The following MTBP variants were observed in gnomAD, a reference collection of about 807,000 sequenced individuals.
MTBP encodes mdm2-binding protein.
In MTBP, 101 loss-of-function variants were observed where a neutral mutation model predicts 117.0. The ratio of observed to expected loss-of-function variants is 0.86; its 90% CI spans 0.73 to 1.02. The LOEUF (loss-of-function observed/expected upper bound fraction) is 1.02, where lower values mean the gene tolerates loss of function less well. MTBP is among the 50% of genes least tolerant of loss of function. The pLI is 0.00. For missense variants in MTBP, 970 were observed against 1,030.9 expected, an observed-to-expected ratio of 0.94 and a Z score of 0.81; for synonymous variants, 350 against 351.5, an observed-to-expected ratio of 1.00 and a Z score of 0.05.
chr8:120,493,522 GCT>G (rs1389003079), intron 13 of MTBP, among the ~76,000 whole-genome samples: 2 of 150,998 alleles, frequency 1.3e-5, no homozygotes, highest in African/African-American at 4.9e-5. Context: ...ACAGAATTTT[GCT>G]CTGTCACCCA....
chr8:120,446,675 C>G (rs1053741115), intron 2 of MTBP, among the ~76,000 whole-genome samples, 162 bp downstream of exon 2: 1 of 152,094 alleles, frequency 6.6e-6, no homozygotes, highest in African/African-American at 2.4e-5. Context: ...AAATAAATTA[C>G]CCCTTTCTTC....
chr8:120,517,710 T>C (rs1042325757), intron 18 of MTBP, 141 bp from the exon 19 acceptor site: 2 of 695,246 alleles, frequency 2.9e-6, no homozygotes, highest in East Asian at 5.5e-5. Context: ...TATAATATAG[T>C]GGTAACACAC....
In MTBP at chr8:120,523,472, T is replaced by C; in HGVS notation, c.*136T>C. 1 of 467,244 alleles carries C rather than the reference T, an allele frequency of 2.1e-6. No individual in the cohort carries two copies. Among genetic ancestry groups the C allele is most frequent in the Non-Finnish European group, 3.8e-6 (1 of 264,760 alleles). The allele number at this position is 467,244 out of a possible 1,614,324, so 28.9% of individuals were successfully genotyped here. A position where few individuals can be genotyped will look rare whatever the true frequency, so the allele number is the denominator to read the frequency against. On this transcript the variant is annotated 3_prime_UTR_variant, in exon 22 of 22. Coordinates refer to ENST00000305949, the MANE Select transcript of MTBP (RefSeq NM_022045.5). The stretch of plus-strand genomic sequence containing the variant: ...GATGTTATATTTCTAAAGAATTTCA[T>C]GAATATATATTCTATATTTGTATAG...
At chr8:120,486,848 C>T (rs1057485567) in intron 11 of MTBP, among the ~76,000 whole-genome samples, 5 of 152,168 alleles carry the variant, frequency 3.3e-5, no homozygotes, top group Admixed American at 6.5e-5. Context: ...ATCTGTCCAA[C>T]GTGCTTCTTC....
intron 7 of MTBP, among the ~76,000 whole-genome samples, chr8:120,457,269 T>C (rs2130520940): frequency 6.6e-6 from 1 of 152,328 alleles, no homozygotes; most frequent in Non-Finnish European, 1.5e-5. Context: ...CGTCTCTTAC[T>C]ATGAAAGAAT....
intron 2 of MTBP, among the ~76,000 whole-genome samples, chr8:120,449,869 T>C (rs1208455401): frequency 6.6e-6 from 1 of 152,146 alleles, no homozygotes; most frequent in Non-Finnish European, 1.5e-5. Context: ...TGAGTGTTCT[T>C]TCAGTGGCAT....
Position 120,457,212 on chromosome 8 carries a change from G to A in MTBP, c.747+542G>A, listed in dbSNP as rs188750228. On this transcript the variant is annotated intron_variant, in intron 7 of 21. Coordinates refer to ENST00000305949, the MANE Select transcript of MTBP (RefSeq NM_022045.5). ...ATAAGATGAGAATGTTGTATTAGGT[G>A]GACTCTTCTAATCCTGAATTTCTAT... Among the ~76,000 whole-genome samples the A allele has an allele frequency of 7.2e-5, 11 of 152,076 alleles. 1 individual carries two copies. Among genetic ancestry groups the A allele is most frequent in the African/African-American group, 2.4e-4 (10 of 41,498 alleles).
At chr8:120,479,895 T>A (rs559978604) in intron 11 of MTBP, among the ~76,000 whole-genome samples, 11 of 152,264 alleles carry the variant, frequency 7.2e-5, no homozygotes, top group African/African-American at 1.4e-4. Context: ...CAAGAATCAA[T>A]AATTTAACCA....
In MTBP at chr8:120,517,846, T is replaced by A. The variant is rs1814946580; in HGVS notation, c.2247-5T>A. The A allele has an allele frequency of 1.9e-6, 3 of 1,609,406 alleles. No individual in the cohort carries two copies. The East Asian group carries it at 6.7e-5, about 36-fold the overall frequency. ...CGTTCTTGATTTTTTTCCCCTGCTATATAGACTTGTGAAATCTGAAAGTTC... is the reference window on the plus strand; with the variant it reads ...CGTTCTTGATTTTTTTCCCCTGCTAAATAGACTTGTGAAATCTGAAAGTTC... On this transcript the variant is annotated splice_polypyrimidine_tract_variant and splice_region_variant and intron_variant, in intron 18 of 21. Coordinates refer to ENST00000305949, the MANE Select transcript of MTBP (RefSeq NM_022045.5).
At chr8:120,523,275 A>G (rs753535842) in intron 21 of MTBP, 23 bp from the exon 22 acceptor site, 3 of 1,486,166 alleles carry the variant, frequency 2.0e-6, no homozygotes, top group Non-Finnish European at 2.8e-6. Context: ...AATCTTCTGT[A>G]ATCATATTTT....
intron 6 of MTBP, among the ~76,000 whole-genome samples, chr8:120,456,243 G>A (rs1813465519): frequency 6.6e-6 from 1 of 152,110 alleles, no homozygotes; most frequent in Non-Finnish European, 1.5e-5. Flanking sequence ...TTGAAGATAA[G>A]GAAGTGACAT....
intron 15 of MTBP, among the ~76,000 whole-genome samples, chr8:120,503,275 C>T (rs564127397): frequency 6.6e-6 from 1 of 152,254 alleles, no homozygotes; most frequent in Admixed American, 6.5e-5. Context: ...ATGTGTCAGG[C>T]GCTGGGAATA....
At chr8:120,518,863 A>G in intron 20 of MTBP, 46 bp downstream of exon 20, 1 of 1,311,292 alleles carries the variant, frequency 7.6e-7, no homozygotes, top group Non-Finnish European at 1.1e-6. Context: ...TCATGTTCTA[A>G]TGTTCCTGTT....
rs772757256 is a variant in MTBP at position 120,490,579 on chromosome 8, C to T, written c.1447+9C>T. On this transcript the variant is annotated intron_variant, in intron 13 of 21. Coordinates refer to ENST00000305949, the MANE Select transcript of MTBP (RefSeq NM_022045.5). ...TTTGGAAGAATGCCTAAGTAAGTAA[C>T]AATTTGTGTATTTTATCCTACCCTA... 1 of 1,543,438 alleles carries T rather than the reference C, an allele frequency of 6.5e-7. No homozygotes were observed. Among genetic ancestry groups the T allele is most frequent in the Non-Finnish European group, 8.9e-7 (1 of 1,128,820 alleles).
At chr8:120,459,104 A>T (rs907240891) in intron 7 of MTBP, 111 bp from the exon 8 acceptor site, 1 of 941,956 alleles carries the variant, frequency 1.1e-6, no homozygotes, top group African/African-American at 1.7e-5. Context: ...AGGAATCAAA[A>T]ATAAATTTAT....
chr8:120,500,403 T>A (rs1814558867), intron 14 of MTBP, among the ~76,000 whole-genome samples: 1 of 152,356 alleles, frequency 6.6e-6, no homozygotes, highest in Non-Finnish European at 1.5e-5. Flanking sequence ...TTGTATATTA[T>A]ATTGTAATAT....
intron 10 of MTBP, 109 bp from the exon 11 acceptor site, chr8:120,470,711 A>G (rs1813798449): frequency 4.0e-6 from 3 of 743,612 alleles, no homozygotes; most frequent in Non-Finnish European, 6.5e-6. Flanking sequence ...AGAGGGCATT[A>G]CTAAATGCAT....
chr8:120,448,522 A>G (rs1258695199), intron 2 of MTBP, among the ~76,000 whole-genome samples: 1 of 152,192 alleles, frequency 6.6e-6, no homozygotes, highest in African/African-American at 2.4e-5. Flanking sequence ...ACACAATTAC[A>G]TCCTTTGCTA....
chr8:120,514,590 A>G (rs1214697011), intron 17 of MTBP, among the ~76,000 whole-genome samples: 2 of 152,064 alleles, frequency 1.3e-5, no homozygotes, highest in Admixed American at 6.6e-5. Context: ...TACACTTTAC[A>G]TAGAGATAGT....
Sources: gnomAD v4.1 joint callset for allele counts (sites outside exome capture counted in the v4.1 genomes callset) on GRCh38, gnomAD v4.1.1 for gene constraint, MANE v1.5 for transcripts, NCBI Gene and HGNC (gene_info 2026-07-23, HGNC 2026-07-21) for gene names.